The following SUGCT variants were observed in gnomAD, a reference collection of about 807,000 sequenced individuals.
The protein encoded by SUGCT is succinyl-CoA:glutarate-CoA transferase, also known as succinyl-CoA:glutarate CoA-transferase.
A neutral mutation model predicts 55.0 loss-of-function variants in SUGCT; 41 were observed. The observed-to-expected ratio is 0.74, with a 90% CI of 0.58 to 0.97. The LOEUF (loss-of-function observed/expected upper bound fraction) is 0.97. SUGCT is among the 50% of genes least tolerant of loss of function. SUGCT has a pLI of 0.00. For synonymous variants in SUGCT, 187 were observed against 200.4 expected, an observed-to-expected ratio of 0.93 and a Z score of 0.56; for missense variants, 568 against 547.8, an observed-to-expected ratio of 1.04 and a Z score of -0.37.
At chr7:40,340,347 C>G (rs1053152895) in intron 9 of SUGCT, among the ~76,000 whole-genome samples, 4 of 151,910 alleles carry the variant, frequency 2.6e-5, no homozygotes, top group African/African-American at 9.7e-5. Context: ...TTCACTTAAC[C>G]TTCTAAAGGG....
chr7:41,026,563 G>A, the SUGCT span, among the ~76,000 whole-genome samples: 22 of 152,152 alleles, frequency 1.4e-4, no homozygotes, highest in African/African-American at 5.1e-4. Flanking sequence ...AAAGTAAAAG[G>A]ACAATGAAAC....
chr7:40,274,755 C>T, intron 8 of SUGCT, 99 bp downstream of exon 8: 1 of 1,057,182 alleles, frequency 9.5e-7, no homozygotes, highest in Non-Finnish European at 1.4e-6. Context: ...AAAAACAATA[C>T]AAAAACCAAC....
chr7:40,993,055 G>A, the SUGCT span, among the ~76,000 whole-genome samples: 77 of 152,198 alleles, frequency 5.1e-4, no homozygotes, highest in African/African-American at 1.8e-3. Flanking sequence ...AAATCACCTG[G>A]AGATCTTACT....
chr7:40,617,732 A>C (rs553258020), intron 12 of SUGCT, among the ~76,000 whole-genome samples: 2 of 152,088 alleles, frequency 1.3e-5, no homozygotes, highest in South Asian at 4.1e-4. Context: ...CAATAACTGC[A>C]TACTTTTTTT....
At chr7:40,235,550 C>T (rs568697634) in intron 6 of SUGCT, among the ~76,000 whole-genome samples, 1 of 152,316 alleles carries the variant, frequency 6.6e-6, no homozygotes, top group South Asian at 2.1e-4. Context: ...TGGTTTCAAA[C>T]TCCTGACCTC....
chr7:40,494,322 T>G (rs955632684), intron 11 of SUGCT, among the ~76,000 whole-genome samples: 1 of 152,232 alleles, frequency 6.6e-6, no homozygotes, highest in Non-Finnish European at 1.5e-5. Flanking sequence ...AGGTTCAAAG[T>G]ATCTCTTTTA....
At chr7:40,890,154 G>A in the SUGCT span, among the ~76,000 whole-genome samples, 1 of 149,236 alleles carries the variant, frequency 6.7e-6, no homozygotes, top group South Asian at 2.1e-4. Context: ...AAGCCTAAGA[G>A]TGTGTAAGCT....
chr7:40,721,158 A>G (rs866554628), intron 12 of SUGCT, among the ~76,000 whole-genome samples: 2 of 152,160 alleles, frequency 1.3e-5, no homozygotes, highest in South Asian at 2.1e-4. Context: ...TTAAAGCAGA[A>G]CCCAAACAGT....
At position 40,221,529 on chromosome 7, in the gene SUGCT, C is replaced by T. The variant is rs1461225003; in HGVS notation, c.485-16106C>T. Reference sequence around the variant, plus strand: ...TTTTTTTGGCAGAGTTTCACTCTGTCGCCCAGGCTGGAGTACAGTGGCATG... The same window carrying T: ...TTTTTTTGGCAGAGTTTCACTCTGTTGCCCAGGCTGGAGTACAGTGGCATG... On this transcript the variant is annotated intron_variant, in intron 6 of 13. Transcript: ENST00000335693. Among the ~76,000 whole-genome samples the T allele has an allele frequency of 1.5e-4, 20 of 131,296 alleles. No homozygotes were observed. In the South Asian group the frequency reaches 1.7e-3, roughly 11 times the overall value. 86.1% of individuals were successfully genotyped at this position (131,296 alleles called of 152,430 possible).
chr7:40,412,157 C>A (rs544703592), intron 9 of SUGCT, among the ~76,000 whole-genome samples: 2 of 152,196 alleles, frequency 1.3e-5, no homozygotes, highest in Non-Finnish European at 2.9e-5. Flanking sequence ...TTCAATCATG[C>A]CTTGTGTAGT....
intron 9 of SUGCT, among the ~76,000 whole-genome samples, chr7:40,325,902 TTTTTTTGTTTG>T (rs1796006182): frequency 1.4e-5 from 2 of 142,012 alleles, no homozygotes; most frequent in African/African-American, 2.6e-5. Flanking sequence ...GTGCGTCTTT[TTTTTTTGTTTG>T]TTTTTGGCAG....
Position 40,617,735 on chromosome 7 carries a change from C to CT in SUGCT, c.1089+121357dup, listed in dbSNP as rs368755742. On this transcript the variant is annotated intron_variant, in intron 12 of 13. Coordinates refer to ENST00000335693, the MANE Select transcript of SUGCT (RefSeq NM_001193313.2). ...AACACTGAAAACCAATAACTGCATA[C>CT]TTTTTTTTCCAATGGAGAGCTGTGA... Among the ~76,000 whole-genome samples the CT allele has an allele frequency of 9.2e-5, 14 of 152,054 alleles. No individual in the cohort carries two copies. In the East Asian group the frequency reaches 2.1e-3, roughly 23 times the overall value.
At chr7:40,258,322 G>A (rs1166650509) in intron 7 of SUGCT, among the ~76,000 whole-genome samples, 2 of 152,176 alleles carry the variant, frequency 1.3e-5, no homozygotes, top group South Asian at 2.1e-4. Flanking sequence ...TTGGTGTAAC[G>A]TTAGACAGAT....
At chr7:41,002,012 G>C in the SUGCT span, among the ~76,000 whole-genome samples, 1 of 152,144 alleles carries the variant, frequency 6.6e-6, no homozygotes, top group Non-Finnish European at 1.5e-5. Flanking sequence ...CTTCTCATTA[G>C]ACTGCGAACT....
chr7:40,691,494 G>C (rs1178261052), intron 12 of SUGCT, among the ~76,000 whole-genome samples: 1 of 152,108 alleles, frequency 6.6e-6, no homozygotes, highest in South Asian at 2.1e-4. Context: ...TCTGGTGAGA[G>C]TGGAATCAGA....
intron 13 of SUGCT, among the ~76,000 whole-genome samples, chr7:40,823,204 A>G (rs1421470610): frequency 6.6e-6 from 1 of 152,164 alleles, no homozygotes; most frequent in Non-Finnish European, 1.5e-5. Context: ...ATAACTTTTA[A>G]TACCAGAGAT....
the SUGCT span, among the ~76,000 whole-genome samples, chr7:40,998,282 G>T: frequency 6.6e-6 from 1 of 152,102 alleles, no homozygotes; most frequent in Non-Finnish European, 1.5e-5. Flanking sequence ...TGAGGCTGGA[G>T]GATCACTTGA....
At chr7:40,774,386 G>A (rs1258101234) in intron 13 of SUGCT, among the ~76,000 whole-genome samples, 1 of 152,148 alleles carries the variant, frequency 6.6e-6, no homozygotes, top group East Asian at 1.9e-4. Flanking sequence ...CTGCAAATAA[G>A]TATAATGAGA....
At chr7:40,324,076 A>T (rs1163602278) in intron 9 of SUGCT, among the ~76,000 whole-genome samples, 7 of 150,968 alleles carry the variant, frequency 4.6e-5, no homozygotes, top group African/African-American at 1.7e-4. Context: ...TACCTCCCAA[A>T]CTCTTGCATT....
Sources: allele counts gnomAD v4.1 joint callset (sites outside exome capture counted in the v4.1 genomes callset), GRCh38; gene constraint gnomAD v4.1.1; transcripts MANE v1.5; gene names NCBI Gene and HGNC (gene_info 2026-07-23, HGNC 2026-07-21).